Variants in CENPF observed in about 807,000 individuals in gnomAD.
CENPF encodes the protein centromere protein F.
A neutral mutation model predicts 307.3 loss-of-function variants in CENPF; 214 were observed. The ratio of observed to expected loss-of-function variants is 0.70; its 90% confidence interval spans 0.62 to 0.78. The LOEUF is 0.78. Ranked by LOEUF, CENPF falls within the 30% of genes least tolerant of loss-of-function variation. The pLI is 0.00. For missense variants in CENPF, 3,401 were observed against 3,483.9 expected, an observed-to-expected ratio of 0.98 and a Z score of 0.60; for synonymous variants, 1,259 against 1,270.6, an observed-to-expected ratio of 0.99 and a Z score of 0.19.
chr1:214,617,569 G>A (rs751715367), intron 3 of CENPF, among the ~76,000 whole-genome samples: 1 of 152,078 alleles, frequency 6.6e-6, no homozygotes, highest in Non-Finnish European at 1.5e-5. Context: ...TTTATACAGG[G>A]TGTACATATA....
At position 214,641,672 on chromosome 1, in the gene CENPF, T is replaced by TCTGA. The variant is rs1185798586; in HGVS notation, c.3335_3338dup (p.Glu1113AspfsTer2). ...GGAGACAGTGCAGCAAGCTCTGAGA[T>TCTGA]CTGAGATGACAGATAACCAAAACAA... On this transcript the variant is annotated frameshift_variant, in exon 12 of 20. Transcript: ENST00000366955. LOFTEE classifies it high-confidence loss of function. The TCTGA allele has an allele frequency of 6.3e-7, 1 of 1,581,282 alleles. No homozygotes were observed. The highest frequency in any genetic ancestry group is 1.4e-5 in the African/African-American group (1 of 73,132).
chr1:214,658,864 C>T lies in CENPF; in HGVS notation c.8977C>T (p.Pro2993Ser). The T allele has an allele frequency of 6.2e-7, 1 of 1,613,990 alleles. No individual in the cohort carries two copies. Among genetic ancestry groups the T allele is most frequent in the Non-Finnish European group, 8.5e-7 (1 of 1,179,962 alleles). ...EVVKKGFADI[P>S]TGKTSPYILR... ...TTTGCCCTTAGGGTTTGCTGACATC[C>T]CGACAGGAAAGACTAGCCCATATAT... Residue 2993 changes from proline to serine, a missense_variant, in exon 19 of 20, where the codon CCG becomes TCG. Physicochemically the swap from Pro to Ser is moderately conservative, Grantham distance 74. Coordinates refer to ENST00000366955, the MANE Select transcript of CENPF (RefSeq NM_016343.4).
At chr1:214,616,895 T>G (rs1657366372) in intron 3 of CENPF, among the ~76,000 whole-genome samples, 1 of 106,530 alleles carries the variant, frequency 9.4e-6, no homozygotes, top group Non-Finnish European at 2.0e-5. Context: ...CTTTCTTTCT[T>G]TCTTTCTTTC....
intron 10 of CENPF, among the ~76,000 whole-genome samples, chr1:214,633,506 A>C (rs530880050): frequency 2.7e-4 from 41 of 152,346 alleles, no homozygotes; most frequent in African/African-American, 9.4e-4. Context: ...TTTATTCTTT[A>C]AATGTTCTAT....
At position 214,640,347 on chromosome 1, in the gene CENPF, T is replaced by G; in HGVS notation, c.2009T>G (p.Met670Arg). 2 of 1,613,908 alleles carry G rather than the reference T, an allele frequency of 1.2e-6. No individual in the cohort carries two copies. Among genetic ancestry groups the G allele is most frequent in the Non-Finnish European group, 1.7e-6 (2 of 1,180,002 alleles). The stretch of plus-strand genomic sequence containing the variant: ...AACGAGAGAGTAAGAACGCTGGAGA[T>G]GGACAGAGAAAACCTAAGTGTCGAG... ...EYNERVRTLE[M>R]DRENLSVEIR... The change falls in exon 12 of 20, where the codon ATG (methionine) becomes AGG (arginine). Residue 670 changes from methionine (M) to arginine (R), a missense_variant. Transcript: ENST00000366955.
chr1:214,622,671 G>C (rs1448566758), intron 7 of CENPF, among the ~76,000 whole-genome samples: 1 of 151,742 alleles, frequency 6.6e-6, no homozygotes, highest in Non-Finnish European at 1.5e-5. Flanking sequence ...ATATATAGTT[G>C]GTCCATTGTA....
intron 1 of CENPF, chr1:214,608,173 G>C (rs1356694795): frequency 1.1e-5 from 10 of 886,110 alleles, no homozygotes; most frequent in Non-Finnish European, 1.7e-5. Context: ...CGCCTGTCCG[G>C]CTCTCTGGCC....
Position 214,608,175 on chromosome 1 carries a change from T to C in CENPF, c.-42+4854T>C, listed in dbSNP as rs1657090373. ...GCACACCCAAGCTCGCCTGTCCGGCTCTCTGGCCCTGTGCATCCACTGTGG... is the reference window on the plus strand; with the variant it reads ...GCACACCCAAGCTCGCCTGTCCGGCCCTCTGGCCCTGTGCATCCACTGTGG... On this transcript the variant is annotated intron_variant, in intron 1 of 19. Transcript: ENST00000366955. 9 of 896,924 alleles carry C rather than the reference T, an allele frequency of 1.0e-5. No individual in the cohort carries two copies. In the East Asian group the frequency reaches 2.4e-4, roughly 24 times the overall value. 55.6% of individuals were successfully genotyped at this position (896,924 alleles called of 1,614,324 possible).
At chr1:214,610,900 A>G (rs892099908) in intron 1 of CENPF, among the ~76,000 whole-genome samples, 3 of 152,280 alleles carry the variant, frequency 2.0e-5, no homozygotes, top group Admixed American at 6.5e-5. Context: ...TCTTCTGCAT[A>G]TGGCTAGCCA....
chr1:214,606,455 C>T (rs1458236450), intron 1 of CENPF, among the ~76,000 whole-genome samples: 2 of 148,864 alleles, frequency 1.3e-5, no homozygotes, highest in African/African-American at 2.4e-5. Context: ...GAATGCTTCA[C>T]GCCTTCCTGC....
chr1:214,646,780 G>A lies in CENPF; in HGVS notation c.7210G>A (p.Glu2404Lys). ...KENLTNELQK[E>K]QERISELEII... Reference sequence around the variant, plus strand: ...AAATCTGACAAATGAATTACAAAAAGAGCAAGAGCGAATATCTGAATTAGA... The same window carrying A: ...AAATCTGACAAATGAATTACAAAAAAAGCAAGAGCGAATATCTGAATTAGA... The change falls in exon 13 of 20, where the codon GAG becomes AAG. Residue 2404 changes from glutamate (E) to lysine (K), a missense_variant. Transcript: ENST00000366955. 1 of 1,611,890 alleles carries A rather than the reference G, an allele frequency of 6.2e-7. No individual in the cohort carries two copies. Among genetic ancestry groups the A allele is most frequent in the Non-Finnish European group, 8.5e-7 (1 of 1,179,076 alleles).
chr1:214,634,318 C>G (rs1460298587), intron 10 of CENPF, among the ~76,000 whole-genome samples: 1 of 152,200 alleles, frequency 6.6e-6, no homozygotes, highest in Non-Finnish European at 1.5e-5. Flanking sequence ...AAGAGTTTGG[C>G]TGGCTCTTGT....
At chr1:214,627,099 C>T (rs1657675266) in intron 7 of CENPF, among the ~76,000 whole-genome samples, 3 of 151,826 alleles carry the variant, frequency 2.0e-5, no homozygotes, top group African/African-American at 7.3e-5. Flanking sequence ...GACAGGGTCT[C>T]ACTCTGTCAT....
chr1:214,624,295 A>T (rs1206854400), intron 7 of CENPF, among the ~76,000 whole-genome samples: 3 of 152,044 alleles, frequency 2.0e-5, no homozygotes, highest in Admixed American at 1.3e-4. Context: ...TAGTTTCACA[A>T]ATTAGAGAGT....
chr1:214,644,484 A>C, intron 12 of CENPF, 73 bp from the exon 13 acceptor site: 4 of 1,407,662 alleles, frequency 2.8e-6, no homozygotes, highest in Non-Finnish European at 2.8e-6. Context: ...TCTAAAAAGT[A>C]ATAACTAAAT....
chr1:214,648,954 G>A, intron 14 of CENPF, 127 bp downstream of exon 14: 1 of 910,740 alleles, frequency 1.1e-6, no homozygotes, highest in Non-Finnish European at 1.7e-6. Context: ...AAATAACCCT[G>A]TGCTTATGTC....
At position 214,645,289 on chromosome 1, in the gene CENPF, A is replaced by T; in HGVS notation, c.5719A>T (p.Ile1907Phe). The T allele has an allele frequency of 6.2e-7, 1 of 1,614,096 alleles. No individual in the cohort carries two copies. Among genetic ancestry groups the T allele is most frequent in the East Asian group, 2.2e-5 (1 of 44,864 alleles). Residue 1907 changes from isoleucine to phenylalanine, a missense_variant, in exon 13 of 20, where the codon ATC becomes TTC. Transcript: ENST00000366955. The part of the protein sequence containing the change: ...FLDVENELSR[I>F]RSEKASIEHE... ...TGATGTGGAAAATGAGCTGAGTAGGATCAGATCGGAGAAAGCTAGCATTGA... is the reference window on the plus strand; with the variant it reads ...TGATGTGGAAAATGAGCTGAGTAGGTTCAGATCGGAGAAAGCTAGCATTGA...
chr1:214,640,143 T>C lies in CENPF; in HGVS notation c.1805T>C (p.Leu602Ser). Residue 602 changes from leucine to serine, a missense_variant, in exon 12 of 20, where the codon TTA (leucine) becomes TCA (serine). Coordinates refer to ENST00000366955, the MANE Select transcript of CENPF (RefSeq NM_016343.4). ...GAGTCCAAAGCCTTGCTGAGTGCTT[T>C]AGAGTTAAAAAAGAAAGAATATGAA... Reference protein sequence around the residue: ...EKESKALLSALELKKKEYEEL... With the variant: ...EKESKALLSASELKKKEYEEL... 1.3e-6 allele frequency: 2 copies of C among 1,586,324 alleles called. No homozygotes were observed. Among genetic ancestry groups the C allele is most frequent in the Non-Finnish European group, 1.7e-6 (2 of 1,173,020 alleles).
rs765159910 is a variant in CENPF, at chr1:214,645,449, G to A, written c.5879G>A (p.Arg1960Lys). Residue 1960 changes from arginine to lysine, a missense_variant, in exon 13 of 20, where the codon AGA (arginine) becomes AAA (lysine). Coordinates refer to ENST00000366955, the MANE Select transcript of CENPF (RefSeq NM_016343.4). ...EEELSVVTSE[R>K]NQLRGELDTM... ...GAACTCTCAGTGGTCACAAGTGAGA[G>A]AAACCAGCTTCGTGGAGAATTAGAT... The A allele has an allele frequency of 2.5e-6, 4 of 1,613,778 alleles. No individual in the cohort carries two copies. The East Asian group carries it at 8.9e-5, about 36-fold the overall frequency.
Sources: gnomAD v4.1 joint callset for allele counts (sites outside exome capture counted in the v4.1 genomes callset) on GRCh38, gnomAD v4.1.1 for gene constraint, MANE v1.5 for transcripts, NCBI Gene and HGNC (gene_info 2026-07-23, HGNC 2026-07-21) for gene names.